SEMA3E: variants seen among roughly 807,000 people sequenced by gnomAD.
SEMA3E encodes the protein semaphorin-3E.
A neutral mutation model predicts 93.6 loss-of-function variants in SEMA3E; 49 were observed. That is an observed-to-expected ratio of 0.52 (90% CI 0.42 to 0.66). The LOEUF is 0.66. SEMA3E is among the 30% of genes least tolerant of loss of function. The probability of loss-of-function intolerance (pLI) is 0.00; values close to 1 mark genes in which losing one functional copy is unlikely to be tolerated. For synonymous variants in SEMA3E, 363 were observed against 330.7 expected, an observed-to-expected ratio of 1.10 and a Z score of -1.06; for missense variants, 906 against 964.8, an observed-to-expected ratio of 0.94 and a Z score of 0.81.
intron 16 of SEMA3E, chr7:83,372,344 G>A: frequency 2.5e-6 from 1 of 397,624 alleles, no homozygotes; most frequent in African/African-American, 2.1e-5. Context: ...TGTTGTCTCT[G>A]TTATATCTCC....
intron 1 of SEMA3E, among the ~76,000 whole-genome samples, chr7:83,531,517 G>T (rs1204837219): frequency 1.3e-5 from 2 of 151,350 alleles, no homozygotes; most frequent in Admixed American, 1.3e-4. Context: ...CATGCCCAGT[G>T]AATTTTTGTA....
intron 1 of SEMA3E, among the ~76,000 whole-genome samples, chr7:83,600,154 A>G (rs901660491): frequency 6.6e-6 from 1 of 152,086 alleles, no homozygotes; most frequent in Non-Finnish European, 1.5e-5. Context: ...TTCCATGTAT[A>G]CATTGCTCTG....
Position 83,418,299 on chromosome 7 carries a change from A to T in SEMA3E, c.550+91T>A. On this transcript the variant is annotated intron_variant, in intron 5 of 16. Coordinates refer to ENST00000643230, the MANE Select transcript of SEMA3E (RefSeq NM_012431.3). Reference sequence around the variant, plus strand: ...ATAGATATGACAAGGCATAGTATGTAAAGAAATGCTGAAAGAATGTAACTG... The same window carrying T: ...ATAGATATGACAAGGCATAGTATGTTAAGAAATGCTGAAAGAATGTAACTG... 3 of 923,102 alleles carry T rather than the reference A, an allele frequency of 3.2e-6. No homozygotes were observed. The East Asian group carries it at 7.9e-5, about 24-fold the overall frequency. 57.2% of individuals were successfully genotyped at this position (923,102 alleles called of 1,614,324 possible).
chr7:83,559,994 A>G (rs1006187707), intron 1 of SEMA3E, among the ~76,000 whole-genome samples: 3 of 152,042 alleles, frequency 2.0e-5, no homozygotes, highest in Non-Finnish European at 4.4e-5. Flanking sequence ...TTCCAACTAT[A>G]TGGCATTTTG....
chr7:83,635,002 T>A (rs1450412601), intron 1 of SEMA3E, among the ~76,000 whole-genome samples: 2 of 152,132 alleles, frequency 1.3e-5, no homozygotes, highest in African/African-American at 4.8e-5. Flanking sequence ...ATATACCATA[T>A]GGTTAGCTCA....
intron 4 of SEMA3E, among the ~76,000 whole-genome samples, chr7:83,464,602 C>T (rs1171261088): frequency 1.4e-5 from 2 of 145,620 alleles, no homozygotes; most frequent in Non-Finnish European, 3.0e-5. Context: ...ATCAGATATC[C>T]TGAGTAGTCC....
intron 1 of SEMA3E, among the ~76,000 whole-genome samples, chr7:83,520,304 G>A (rs147755891): frequency 5.1e-4 from 78 of 152,228 alleles, no homozygotes; most frequent in African/African-American, 1.9e-3. Context: ...TCACTAGACA[G>A]CTGCTCTGGT....
intron 1 of SEMA3E, among the ~76,000 whole-genome samples, chr7:83,622,595 G>C (rs573931687): frequency 6.6e-6 from 1 of 152,090 alleles, no homozygotes; most frequent in African/African-American, 2.4e-5. Context: ...GCCCATCAAC[G>C]ATAGACTGGA....
chr7:83,580,764 G>C (rs1792503426), intron 1 of SEMA3E, among the ~76,000 whole-genome samples: 1 of 151,686 alleles, frequency 6.6e-6, no homozygotes, highest in Non-Finnish European at 1.5e-5. Flanking sequence ...TCTCCTATTT[G>C]CCTTGAAGGT....
chr7:83,533,845 C>T lies in SEMA3E; in HGVS notation c.116-43571G>A, dbSNP rs944435442. ...GGCTGGCTGGCCCAGGCACAGCTGACTGGGAAGGTCCTTCCCTGCCTGCCT... is the reference window on the plus strand; with the variant it reads ...GGCTGGCTGGCCCAGGCACAGCTGATTGGGAAGGTCCTTCCCTGCCTGCCT... On this transcript the variant is annotated intron_variant, in intron 1 of 16. Coordinates refer to ENST00000643230, the MANE Select transcript of SEMA3E (RefSeq NM_012431.3). 3.3e-5 allele frequency among the ~76,000 whole-genome samples: 5 copies of T among 152,194 alleles called. No homozygotes were observed. The South Asian group carries it at 6.2e-4, about 19-fold the overall frequency.
intron 1 of SEMA3E, among the ~76,000 whole-genome samples, chr7:83,570,134 G>C (rs1359640828): frequency 1.3e-5 from 2 of 151,994 alleles, no homozygotes; most frequent in African/African-American, 4.8e-5. Context: ...GGGTCAACAA[G>C]AAAACTAAGG....
intron 5 of SEMA3E, among the ~76,000 whole-genome samples, chr7:83,417,923 T>C (rs1368212376): frequency 6.6e-6 from 1 of 152,124 alleles, no homozygotes; most frequent in African/African-American, 2.4e-5. Flanking sequence ...GAAATTTAGA[T>C]AAATAAATTT....
At chr7:83,440,426 G>T (rs1375061536) in intron 4 of SEMA3E, among the ~76,000 whole-genome samples, 2 of 152,020 alleles carry the variant, frequency 1.3e-5, no homozygotes, top group Non-Finnish European at 2.9e-5. Flanking sequence ...CTGTCTGTGG[G>T]GTATTGTGAT....
chr7:83,568,468 A>C (rs1337620234), intron 1 of SEMA3E, among the ~76,000 whole-genome samples: 18 of 152,122 alleles, frequency 1.2e-4, no homozygotes. Context: ...AGATACAAAA[A>C]CTCTCAACAA....
chr7:83,425,968 A>G (rs10254915), intron 4 of SEMA3E, among the ~76,000 whole-genome samples: 1 of 152,108 alleles, frequency 6.6e-6, no homozygotes, highest in South Asian at 2.1e-4. Context: ...AACCATATGA[A>G]AAAAAGCTCC....
chr7:83,392,524 G>A (rs766513489), intron 14 of SEMA3E, 31 bp downstream of exon 14: 15 of 1,607,056 alleles, frequency 9.3e-6, no homozygotes, highest in Non-Finnish European at 3.4e-6. Context: ...TCCTAAGCAA[G>A]GGAAATAGTT....
chr7:83,540,646 A>T (rs1562825002), intron 1 of SEMA3E, among the ~76,000 whole-genome samples: 1 of 152,182 alleles, frequency 6.6e-6, no homozygotes, highest in Non-Finnish European at 1.5e-5. Flanking sequence ...GTTGATCCAC[A>T]GACTGTTTTC....
At chr7:83,500,590 C>CTTT (rs371350850) in intron 1 of SEMA3E, among the ~76,000 whole-genome samples, 45,826 of 99,408 alleles carry the variant, frequency 0.46, 11,584 homozygotes, top group South Asian at 0.51. Flanking sequence ...AACTTTCTTC[C>CTTT]TTTTTTTTTT....
intron 11 of SEMA3E, among the ~76,000 whole-genome samples, chr7:83,399,188 A>G (rs933112832): frequency 8.5e-5 from 13 of 152,206 alleles, no homozygotes; most frequent in African/African-American, 2.7e-4. Context: ...CTGAATAAGA[A>G]GAAAGACAAT....
Sources: gnomAD v4.1 joint callset for allele counts (sites outside exome capture counted in the v4.1 genomes callset) on GRCh38, gnomAD v4.1.1 for gene constraint, MANE v1.5 for transcripts, NCBI Gene and HGNC (gene_info 2026-07-23, HGNC 2026-07-21) for gene names.